DCP2: variants seen among roughly 807,000 people sequenced by gnomAD.
DCP2 encodes the protein decapping mRNA 2.
DCP2 carries 30 observed loss-of-function variants against 56.1 expected under a neutral mutation model. That is an observed-to-expected ratio of 0.53 (90% CI 0.40 to 0.73). The LOEUF is 0.73. Ranked by LOEUF, DCP2 falls within the 30% of genes least tolerant of loss-of-function variation. The probability of loss-of-function intolerance (pLI) is 0.00; values close to 1 mark genes in which losing one functional copy is unlikely to be tolerated. For missense variants in DCP2, 533 were observed against 502.7 expected (o/e 1.06, Z -0.58); for synonymous variants, 197 against 163.3 (o/e 1.21, Z -1.57).
intron 4 of DCP2, among the ~76,000 whole-genome samples, chr5:113,000,420 A>ACACACACACACCCACACCCACACACC (rs112449298): frequency 1.4e-5 from 2 of 146,652 alleles, no homozygotes; most frequent in African/African-American, 5.0e-5. Flanking sequence ...ACACACACAC[A>ACACACACACACCCACACCCACACACC]CACACCCACA....
Position 113,004,023 on chromosome 5 carries a change from G to A in DCP2, c.888G>A (p.Leu296=). ...AGTGGGTAAAGCACAGGCAACCACT[G>A]CAGCAAAAGCCATATAATAATCATT... The part of the protein sequence containing the change: ...GDQWVKHRQP[L]QQKPYNNHSE... The change falls in exon 8 of 11, where the codon CTG becomes CTA. Residue 296 remains leucine, a synonymous_variant. Transcript: ENST00000389063. 2 of 1,614,094 alleles carry A rather than the reference G, an allele frequency of 1.2e-6. No individual in the cohort carries two copies. Among genetic ancestry groups the A allele is most frequent in the Non-Finnish European group, 1.7e-6 (2 of 1,179,976 alleles).
At chr5:112,986,694 T>TGTG (rs986751612) in intron 2 of DCP2, among the ~76,000 whole-genome samples, 1 of 152,102 alleles carries the variant, frequency 6.6e-6, no homozygotes, top group Non-Finnish European at 1.5e-5. Context: ...TTTTCAGTTG[T>TGTG]GTGGCAAATA....
Position 113,001,168 on chromosome 5 carries a change from C to T in DCP2, c.517C>T (p.Arg173Cys), listed in dbSNP as rs369278042. ...IELRINDQLARLYIIPGIPKD... is the reference protein window; with the variant it reads ...IELRINDQLACLYIIPGIPKD... ...ACTTCGAATCAATGACCAGCTTGCTCGTTTGTACATCATTCCAGGAATTCC... is the reference window on the plus strand; with the variant it reads ...ACTTCGAATCAATGACCAGCTTGCTTGTTTGTACATCATTCCAGGAATTCC... Residue 173 changes from arginine to cysteine, a missense_variant, in exon 5 of 11, where the codon CGT (arginine) becomes TGT (cysteine). Coordinates refer to ENST00000389063, the MANE Select transcript of DCP2 (RefSeq NM_152624.6). 15 of 1,613,842 alleles carry T rather than the reference C, an allele frequency of 9.3e-6. No homozygotes were observed. Among genetic ancestry groups the T allele is most frequent in the East Asian group, 2.2e-5 (1 of 44,848 alleles).
chr5:112,977,248 C>T (rs992419418), intron 1 of DCP2, among the ~76,000 whole-genome samples: 1 of 152,186 alleles, frequency 6.6e-6, no homozygotes, highest in Non-Finnish European at 1.5e-5. Context: ...AACTATTTTG[C>T]TTTCCCGCAG....
intron 2 of DCP2, among the ~76,000 whole-genome samples, chr5:112,988,712 C>T (rs1036764493): frequency 1.3e-5 from 2 of 152,072 alleles, no homozygotes; most frequent in African/African-American, 2.4e-5. Flanking sequence ...ATATTGAGCA[C>T]TATCTTTGTT....
chr5:113,000,080 A>AAAG (rs1182941743), intron 4 of DCP2, among the ~76,000 whole-genome samples: 9 of 150,398 alleles, frequency 6.0e-5, no homozygotes, highest in South Asian at 4.2e-4. Flanking sequence ...AAAAAAAAAA[A>AAAG]AAGAAGAAGA....
chr5:112,986,380 C>T (rs528593536), intron 2 of DCP2, among the ~76,000 whole-genome samples: 2 of 151,150 alleles, frequency 1.3e-5, no homozygotes, highest in Admixed American at 1.3e-4. Context: ...TTCTGTCGCT[C>T]AGGCTGAAGT....
In DCP2 at chr5:113,021,513, T is replaced by A. The variant is rs1750132562; in HGVS notation, c.*8029T>A. ...ATAGTGTAGGGCTTGAGATGTGAAT[T>A]CATTAGATATTTAAAATCCAGCAAT... On this transcript the variant is annotated 3_prime_UTR_variant, in exon 11 of 11. Transcript: ENST00000389063. 6.6e-6 allele frequency among the ~76,000 whole-genome samples: 1 copy of A among 152,140 alleles called. No homozygotes were observed.
intron 1 of DCP2, among the ~76,000 whole-genome samples, chr5:112,978,683 TAAAAA>T (rs35646202): frequency 1.5e-5 from 2 of 136,654 alleles, no homozygotes; most frequent in African/African-American, 5.5e-5. Flanking sequence ...TTGTCCCAAA[TAAAAA>T]AAAAAAAAGG....
chr5:112,985,689 C>CAA, intron 1 of DCP2, 146 bp from the exon 2 acceptor site: 1 of 774,750 alleles, frequency 1.3e-6, no homozygotes, highest in Non-Finnish European at 2.0e-6. Context: ...TATAGTATTT[C>CAA]TCTCAAATAT....
intron 2 of DCP2, among the ~76,000 whole-genome samples, chr5:112,990,269 C>A (rs996379653): frequency 6.6e-6 from 1 of 152,164 alleles, no homozygotes; most frequent in Admixed American, 6.5e-5. Context: ...CTGCCACTTA[C>A]TAGCTATGTA....
chr5:113,002,495 A>G (rs1045065733), intron 7 of DCP2, among the ~76,000 whole-genome samples: 6 of 151,652 alleles, frequency 4.0e-5, no homozygotes, highest in African/African-American at 1.5e-4. Flanking sequence ...ATAAACCGTG[A>G]AGAACATTTT....
rs184324304 is a variant in DCP2, at chr5:112,985,522, A to G, written c.54-313A>G. On this transcript the variant is annotated intron_variant, in intron 1 of 10. Coordinates refer to ENST00000389063, the MANE Select transcript of DCP2 (RefSeq NM_152624.6). ...TACCTGTATTCTTGGAAATGTTGCC[A>G]GACATGGGAGGAAGCGGAGGTTTTC... Among the ~76,000 whole-genome samples, 1,234 of 152,342 alleles carry G rather than the reference A, an allele frequency of 8.1e-3. 13 individuals carry two copies. Among genetic ancestry groups the G allele is most frequent in the Non-Finnish European group, 0.012 (835 of 68,028 alleles).
At chr5:112,993,752 C>A (rs1225604954) in intron 4 of DCP2, among the ~76,000 whole-genome samples, 1 of 151,828 alleles carries the variant, frequency 6.6e-6, no homozygotes, top group African/African-American at 2.4e-5. Context: ...CAGCTTAAAT[C>A]CCTTTTCCCT....
rs74466657 is a variant in DCP2, at chr5:112,979,786, A to G, written c.53+2800A>G. 2.2e-3 allele frequency among the ~76,000 whole-genome samples: 342 copies of G among 152,332 alleles called. 11 individuals carry two copies. The East Asian group carries it at 0.063, about 28-fold the overall frequency. ...ATTCTAAGTTCCTCAGGCAATTAGC[A>G]CACAGTAAACTGAGGGAAAATATTT... On this transcript the variant is annotated intron_variant, in intron 1 of 10. Coordinates refer to ENST00000389063, the MANE Select transcript of DCP2 (RefSeq NM_152624.6).
intron 5 of DCP2, 51 bp from the exon 6 acceptor site, chr5:113,001,306 A>G (rs1398875611): frequency 6.3e-7 from 1 of 1,595,752 alleles, no homozygotes; most frequent in South Asian, 1.1e-5. Context: ...ATCCTTTTAT[A>G]AGCTCCTTGA....
rs1404074601 is a variant in DCP2, at chr5:113,016,939, T to C, written c.*3455T>C. 6.6e-6 allele frequency: 1 copy of C among 151,538 alleles called. No individual in the cohort carries two copies. 9.4% of individuals were successfully genotyped at this position (151,538 alleles called of 1,614,324 possible). A position where few individuals can be genotyped will look rare whatever the true frequency, so the allele number is the denominator to read the frequency against. ...TCACCGCAACCTACGCCTCCCGGGT[T>C]CAAGTGATTCTCCTGCCTCAGCCTC... On this transcript the variant is annotated 3_prime_UTR_variant, in exon 11 of 11. Coordinates refer to ENST00000389063, the MANE Select transcript of DCP2 (RefSeq NM_152624.6).
At chr5:112,991,983 C>A in intron 2 of DCP2, 138 bp from the exon 3 acceptor site, 1 of 1,303,470 alleles carries the variant, frequency 7.7e-7, no homozygotes. Context: ...GGTGCCTGGC[C>A]AAAATGCTAC....
chr5:112,999,879 G>A (rs565332784), intron 4 of DCP2, among the ~76,000 whole-genome samples: 143 of 151,534 alleles, frequency 9.4e-4, no homozygotes, highest in African/African-American at 3.4e-3. Flanking sequence ...TGGCCAACAT[G>A]GTGAAACCCT....
Sources: allele counts gnomAD v4.1 joint callset (sites outside exome capture counted in the v4.1 genomes callset), GRCh38; gene constraint gnomAD v4.1.1; transcripts MANE v1.5; gene names NCBI Gene and HGNC (gene_info 2026-07-23, HGNC 2026-07-21).